The following TRIM7 variants were observed in gnomAD, a reference collection of about 807,000 sequenced individuals.
The protein encoded by TRIM7 is E3 ubiquitin-protein ligase TRIM7.
A neutral mutation model predicts 37.9 loss-of-function variants in TRIM7; 32 were observed. The observed-to-expected ratio is 0.84, with a 90% confidence interval of 0.64 to 1.13. The LOEUF (loss-of-function observed/expected upper bound fraction) is 1.13. Ranked by LOEUF, TRIM7 falls within the 50% of genes most tolerant of loss-of-function variation. The pLI, the probability that TRIM7 is intolerant of heterozygous loss-of-function variation, is 0.00. For missense variants in TRIM7, 732 were observed against 714.0 expected, an observed-to-expected ratio of 1.03 and a Z score of -0.29; for synonymous variants, 351 against 321.3, an observed-to-expected ratio of 1.09 and a Z score of -0.99.
At position 181,194,766 on chromosome 5, in the gene TRIM7, C is replaced by T. The variant is rs1468073060; in HGVS notation, c.*400G>A. On this transcript the variant is annotated 3_prime_UTR_variant, in exon 7 of 7. Coordinates refer to ENST00000274773, the MANE Select transcript of TRIM7 (RefSeq NM_203293.3). The stretch of plus-strand genomic sequence containing the variant: ...GTCCAGAAGGCAGCAGCCATGATAA[C>T]AAACGTGGTTGGCCCAGGCCCAGAC... 1.2e-5 allele frequency: 2 copies of T among 168,818 alleles called. No individual in the cohort carries two copies. Among genetic ancestry groups the T allele is most frequent in the South Asian group, 1.8e-4 (1 of 5,482 alleles). The allele number at this position is 168,818 out of a possible 1,614,324, so 10.5% of individuals were successfully genotyped here.
rs1285791958 is a variant in TRIM7, at chr5:181,194,427, T to C, written c.*739A>G. ...TAAAGTTCCAGAAGCTTTGCTCTCCTTATCCAAGCAGCGTTTGTACTTTGG... is the reference window on the plus strand; with the variant it reads ...TAAAGTTCCAGAAGCTTTGCTCTCCCTATCCAAGCAGCGTTTGTACTTTGG... On this transcript the variant is annotated 3_prime_UTR_variant, in exon 7 of 7. Coordinates refer to ENST00000274773, the MANE Select transcript of TRIM7 (RefSeq NM_203293.3). The C allele has an allele frequency of 6.6e-6, 1 of 152,276 alleles. No individual in the cohort carries two copies. The highest frequency in any genetic ancestry group is 2.4e-5 in the African/African-American group (1 of 41,402). 9.4% of individuals were successfully genotyped at this position (152,276 alleles called of 1,614,324 possible).
At position 181,195,264 on chromosome 5, in the gene TRIM7, T is replaced by A; in HGVS notation, c.1438A>T (p.Met480Leu). The A allele has an allele frequency of 6.2e-7, 1 of 1,611,496 alleles. No homozygotes were observed. Among genetic ancestry groups the A allele is most frequent in the Non-Finnish European group, 8.5e-7 (1 of 1,179,002 alleles). Residue 480 changes from methionine (M) to leucine (L), a missense_variant, in exon 7 of 7, where the codon ATG becomes TTG. Physicochemically the swap from Met to Leu is conservative, Grantham distance 15. Transcript: ENST00000274773. ...ACGCGGAAGGTGTAGAGGTGGCGCA[T>A]GTCCTCCACAGCGTAGAAGGACACG... ...GAVSFYAVED[M>L]RHLYTFRVNF... is the part of the protein sequence containing the mutation.
chr5:181,199,300 C>G, intron 3 of TRIM7, 183 bp from the exon 4 acceptor site: 2 of 662,502 alleles, frequency 3.0e-6, no homozygotes, highest in Admixed American at 2.5e-5. Context: ...GGGTGTCTCA[C>G]CCACGCAGTG....
intron 6 of TRIM7, chr5:181,197,897 A>T (rs1042092193): frequency 4.0e-6 from 2 of 495,784 alleles, no homozygotes; most frequent in Admixed American, 6.6e-5. Flanking sequence ...GGGACCGGGT[A>T]GAGGCTCACC....
chr5:181,203,946 A>G, intron 1 of TRIM7: 1 of 1,144,124 alleles, frequency 8.7e-7, no homozygotes, highest in East Asian at 5.6e-5. Flanking sequence ...GGAGAGTTGG[A>G]GCAGGATGGG....
rs995816203 is a variant in TRIM7 at position 181,205,121 on chromosome 5, C to G, written c.-11G>C. The G allele has an allele frequency of 1.3e-5, 17 of 1,307,554 alleles. No individual in the cohort carries two copies. The East Asian group carries it at 3.1e-4, about 24-fold the overall frequency. The allele number at this position is 1,307,554 out of a possible 1,614,324, so 81.0% of individuals were successfully genotyped here. Reference sequence around the variant, plus strand: ...TCCCACAGCCGCCATGCGCGCTCTCCGCGCACCCAGATCTGGTCGCGCCTG... The same window carrying G: ...TCCCACAGCCGCCATGCGCGCTCTCGGCGCACCCAGATCTGGTCGCGCCTG... On this transcript the variant is annotated 5_prime_UTR_variant, in exon 1 of 7. Transcript: ENST00000274773.
chr5:181,198,645 A>G, intron 5 of TRIM7, 45 bp downstream of exon 5: 2 of 1,378,288 alleles, frequency 1.5e-6, no homozygotes, highest in South Asian at 1.2e-5. Context: ...GGAACCCTCC[A>G]CCACCACCGC....
At chr5:181,198,877 G>T in intron 4 of TRIM7, 72 bp from the exon 5 acceptor site, 2 of 1,283,384 alleles carry the variant, frequency 1.6e-6, no homozygotes, top group Non-Finnish European at 2.2e-6. Context: ...AATTAGGATG[G>T]CGAGGTCCTC....
In TRIM7 at chr5:181,195,685, C is replaced by T; in HGVS notation, c.1025-8G>A. ...GATCCAAGGTGAGCTCCACTGCAGA[C>T]AGAGACAGGGAGAAATGTCCCCACG... On this transcript the variant is annotated splice_region_variant and splice_polypyrimidine_tract_variant and intron_variant, in intron 6 of 6. Transcript: ENST00000274773. 6.6e-7 allele frequency: 1 copy of T among 1,513,484 alleles called. No homozygotes were observed. Among genetic ancestry groups the T allele is most frequent in the Non-Finnish European group, 8.9e-7 (1 of 1,129,022 alleles). The allele number at this position is 1,513,484 out of a possible 1,614,324, so 93.8% of individuals were successfully genotyped here.
Position 181,204,835 on chromosome 5 carries a change from G to A in TRIM7, c.276C>T (p.Pro92=), listed in dbSNP as rs1474775685. Residue 92 remains proline, a synonymous_variant, in exon 1 of 7, where the codon CCC becomes CCT. Transcript: ENST00000274773. Reference sequence around the variant, plus strand: ...TGGCCACTGCCGCCAGCTGCCGGTTGGGCCGCAGCTGACTGGGGCGCGCGG... The same window carrying A: ...TGGCCACTGCCGCCAGCTGCCGGTTAGGCCGCAGCTGACTGGGGCGCGCGG... The part of the protein sequence containing the change: ...REPARPSQLR[P]NRQLAAVATL... The A allele has an allele frequency of 7.3e-7, 1 of 1,363,906 alleles. No homozygotes were observed. The highest frequency in any genetic ancestry group is 1.8e-5 in the South Asian group (1 of 54,100). The allele number at this position is 1,363,906 out of a possible 1,614,324, so 84.5% of individuals were successfully genotyped here.
rs779696939 is a variant in TRIM7, at chr5:181,204,980, C to CA, written c.130dup (p.Cys44LeufsTer149). 83 of 1,485,148 alleles carry CA rather than the reference C, an allele frequency of 5.6e-5. No individual in the cohort carries two copies. The highest frequency in any genetic ancestry group is 4.9e-4 in the Admixed American group (21 of 42,578). 92.0% of individuals were successfully genotyped at this position (1,485,148 alleles called of 1,614,324 possible). A position where few individuals can be genotyped will look rare whatever the true frequency, so the allele number is the denominator to read the frequency against. On this transcript the variant is annotated frameshift_variant, in exon 1 of 7. Coordinates refer to ENST00000274773, the MANE Select transcript of TRIM7 (RefSeq NM_203293.3). LOFTEE classifies it high-confidence loss of function. Reference sequence around the variant, plus strand: ...GCAGGCGCGGCAGAAGCTGTGGCCGCACTCGACGGACACCGGCTCACGAAA... The same window carrying CA: ...GCAGGCGCGGCAGAAGCTGTGGCCGCAACTCGACGGACACCGGCTCACGAAA...
At chr5:181,197,760 A>T in intron 6 of TRIM7, 1 of 186,424 alleles carries the variant, frequency 5.4e-6, no homozygotes, top group Non-Finnish European at 1.1e-5. Context: ...TGGGTGTTGG[A>T]TGCCACACAT....
chr5:181,200,139 A>C (rs1416796138), intron 2 of TRIM7, 58 bp from the exon 3 acceptor site: 2 of 1,613,806 alleles, frequency 1.2e-6, no homozygotes, highest in Non-Finnish European at 1.7e-6. Flanking sequence ...ACATTTGGCC[A>C]GTGGCCTGAG....
At position 181,195,317 on chromosome 5, in the gene TRIM7, C is replaced by A; in HGVS notation, c.1385G>T (p.Arg462Leu). ...PLSCGHLSRVRVALDLEVGAV... is the reference protein window; with the variant it reads ...PLSCGHLSRVLVALDLEVGAV... ...TCCCACCTCCAGGTCCAGGGCCACCCGCACGCGCGACAGGTGCCCGCAGCT... is the reference window on the plus strand; with the variant it reads ...TCCCACCTCCAGGTCCAGGGCCACCAGCACGCGCGACAGGTGCCCGCAGCT... The change falls in exon 7 of 7, where the codon CGG (arginine) becomes CTG (leucine). Residue 462 changes from arginine to leucine, a missense_variant. Coordinates refer to ENST00000274773, the MANE Select transcript of TRIM7 (RefSeq NM_203293.3). 1 of 1,595,580 alleles carries A rather than the reference C, an allele frequency of 6.3e-7. No homozygotes were observed. The highest frequency in any genetic ancestry group is 2.3e-5 in the East Asian group (1 of 43,624).
intron 3 of TRIM7, 55 bp downstream of exon 3, chr5:181,199,796 C>T: frequency 1.9e-6 from 3 of 1,545,960 alleles, no homozygotes; most frequent in Non-Finnish European, 2.6e-6. Flanking sequence ...TCTCTAGCTG[C>T]TGGTCCTGAT....
At chr5:181,201,973 G>C (rs748884415) in intron 2 of TRIM7, among the ~76,000 whole-genome samples, 2 of 152,122 alleles carry the variant, frequency 1.3e-5, no homozygotes, top group Admixed American at 1.3e-4. Context: ...CTTCCTCATG[G>C]AGGAAAGTGA....
At position 181,195,450 on chromosome 5, in the gene TRIM7, C is replaced by T. The variant is rs1362661254; in HGVS notation, c.1252G>A (p.Val418Met). The change falls in exon 7 of 7, where the codon GTG (valine) becomes ATG (methionine). Residue 418 changes from valine to methionine, a missense_variant. Coordinates refer to ENST00000274773, the MANE Select transcript of TRIM7 (RefSeq NM_203293.3). Reference protein sequence around the residue: ...GWAFGVARESVRRKGLTPFTP... With the variant: ...GWAFGVARESMRRKGLTPFTP... ...AAGGGCGTCAGGCCCTTTCGGCGCA[C>T]GCTCTCGCGGGCCACGCCAAAGGCC... 9.3e-6 allele frequency: 15 copies of T among 1,610,232 alleles called. No individual in the cohort carries two copies. The highest frequency in any genetic ancestry group is 1.3e-5 in the Non-Finnish European group (15 of 1,178,730).
chr5:181,198,099 CA>C, intron 6 of TRIM7, 83 bp downstream of exon 6: 1 of 1,528,820 alleles, frequency 6.5e-7, no homozygotes, highest in Non-Finnish European at 9.0e-7. Flanking sequence ...CGACCATATG[CA>C]AAACCCTGAG....
chr5:181,204,721 G>C lies in TRIM7; in HGVS notation c.390C>G (p.Cys130Trp). 1 of 1,478,876 alleles carries C rather than the reference G, an allele frequency of 6.8e-7. No homozygotes were observed. The allele number at this position is 1,478,876 out of a possible 1,614,324, so 91.6% of individuals were successfully genotyped here. A position where few individuals can be genotyped will look rare whatever the true frequency, so the allele number is the denominator to read the frequency against. The part of the protein sequence containing the change: ...AAAARAAAAR[C>W]GQHGEPFKLY... ...GCTTGAAGGGTTCGCCATGCTGCCC[G>C]CAGCGGGCAGCCGCTGCCCGGGCCG... The change falls in exon 1 of 7, where the codon TGC (cysteine) becomes TGG (tryptophan). Residue 130 changes from cysteine to tryptophan, a missense_variant. Transcript: ENST00000274773.
Sources: allele counts gnomAD v4.1 joint callset (sites outside exome capture counted in the v4.1 genomes callset), GRCh38; gene constraint gnomAD v4.1.1; transcripts MANE v1.5; gene names NCBI Gene and HGNC (gene_info 2026-07-23, HGNC 2026-07-21).